LIPA: variants seen among roughly 807,000 people sequenced by gnomAD.
The protein encoded by LIPA is lipase A, lysosomal acid type, also known as lysosomal acid lipase/cholesteryl ester hydrolase.
Under a neutral mutation model 40.6 loss-of-function variants are expected in LIPA, and 26 were observed. The observed-to-expected ratio is 0.64, with a 90% confidence interval of 0.47 to 0.89. The LOEUF is 0.89. LIPA is among the 40% of genes least tolerant of loss of function. LIPA has a pLI of 0.00. For synonymous variants in LIPA, 188 were observed against 168.4 expected (o/e 1.12, Z -0.90); for missense variants, 455 against 479.6 (o/e 0.95, Z 0.48).
chr10:89,363,079 A>T, intron 2 of LIPA: 1 of 226,306 alleles, frequency 4.4e-6, no homozygotes. Flanking sequence ...TATGCAGCCC[A>T]GTTTTATCAA....
At chr10:89,276,695 A>G (rs1346190187) in intron 1 of LIPA, among the ~76,000 whole-genome samples, 1 of 152,224 alleles carries the variant, frequency 6.6e-6, no homozygotes, top group African/African-American at 2.4e-5. Context: ...ATCTAATAAT[A>G]ATAACATATG....
At chr10:89,304,223 A>G (rs1358610655) in intron 1 of LIPA, among the ~76,000 whole-genome samples, 6 of 152,256 alleles carry the variant, frequency 3.9e-5, no homozygotes, top group Admixed American at 3.3e-4. Flanking sequence ...GGTCTTAGCA[A>G]AGAGCCAGGT....
At chr10:89,302,987 G>T (rs1843455068) in intron 1 of LIPA, among the ~76,000 whole-genome samples, 3 of 145,132 alleles carry the variant, frequency 2.1e-5, no homozygotes, top group East Asian at 2.0e-4. Context: ...TTTCCTGCTA[G>T]TCTAAATGTT....
chr10:89,300,551 A>G (rs1187903640), intron 1 of LIPA, among the ~76,000 whole-genome samples: 1 of 152,234 alleles, frequency 6.6e-6, no homozygotes, highest in African/African-American at 2.4e-5. Flanking sequence ...ATTATTATAC[A>G]TCAATAAAAA....
chr10:89,302,964 T>C (rs1454021361), intron 1 of LIPA, among the ~76,000 whole-genome samples: 1 of 151,076 alleles, frequency 6.6e-6, no homozygotes, highest in Non-Finnish European at 1.5e-5. Context: ...TTTCTCTTCT[T>C]GAAACGATAT....
intron 1 of LIPA, among the ~76,000 whole-genome samples, chr10:89,327,590 T>C (rs1336038561): frequency 6.6e-6 from 1 of 152,008 alleles, no homozygotes; most frequent in Non-Finnish European, 1.5e-5. Flanking sequence ...GAGTGTGTTC[T>C]ATTAGTAATT....
At chr10:89,306,433 G>A (rs1843479531) in intron 1 of LIPA, 1 of 1,614,062 alleles carries the variant, frequency 6.2e-7, no homozygotes, top group Non-Finnish European at 8.5e-7. Context: ...GAGCGAAGGT[G>A]TGCTTTGAGA....
chr10:89,399,446 C>A (rs1844390124), intron 2 of LIPA, among the ~76,000 whole-genome samples: 1 of 152,118 alleles, frequency 6.6e-6, no homozygotes, highest in Non-Finnish European at 1.5e-5. Flanking sequence ...GAATCACTGC[C>A]AATTGCCAAA....
chr10:89,274,475 A>G (rs1589585639), intron 1 of LIPA, among the ~76,000 whole-genome samples: 1 of 152,216 alleles, frequency 6.6e-6, no homozygotes, highest in East Asian at 1.9e-4. Flanking sequence ...CAGTTCTGAA[A>G]GGCAGCCCAG....
intron 2 of LIPA, among the ~76,000 whole-genome samples, chr10:89,364,934 CT>C (rs1475257075): frequency 6.6e-6 from 1 of 152,106 alleles, no homozygotes; most frequent in South Asian, 2.1e-4. Flanking sequence ...AAAACTAAAA[CT>C]GTCTGTGCAG....
chr10:89,384,635 G>T (rs1392523634), intron 2 of LIPA: 2 of 1,614,210 alleles, frequency 1.2e-6, no homozygotes, highest in South Asian at 2.2e-5. Context: ...GAAAGTGTCA[G>T]CCTCCTTGGG....
intron 7 of LIPA, 36 bp from the exon 8 acceptor site, chr10:89,222,618 C>T (rs1842714941): frequency 7.8e-7 from 1 of 1,281,668 alleles, no homozygotes; most frequent in Non-Finnish European, 1.1e-6. Context: ...AGAATGAAAA[C>T]AGCATTAAGG....
chr10:89,350,451 G>T (rs532147880), intron 2 of LIPA, among the ~76,000 whole-genome samples: 2 of 151,942 alleles, frequency 1.3e-5, no homozygotes, highest in African/African-American at 2.4e-5. Context: ...GACTACAGGC[G>T]CATGCCACCA....
intron 2 of LIPA, chr10:89,404,762 C>T (rs1001348079): frequency 6.6e-6 from 1 of 152,198 alleles, no homozygotes; most frequent in South Asian, 2.1e-4. Context: ...CGAGAGCAGC[C>T]TTGGCAATGG....
chr10:89,246,464 T>C (rs916737007), intron 2 of LIPA, among the ~76,000 whole-genome samples: 1 of 152,192 alleles, frequency 6.6e-6, no homozygotes, highest in East Asian at 1.9e-4. Context: ...TCATTCTTAT[T>C]TAAAAAATTA....
At chr10:89,401,048 T>C (rs1844413936) in intron 2 of LIPA, among the ~76,000 whole-genome samples, 1 of 152,136 alleles carries the variant, frequency 6.6e-6, no homozygotes, top group Admixed American at 6.5e-5. Flanking sequence ...ATTCTGTTAA[T>C]GTGGTATATT....
intron 1 of LIPA, among the ~76,000 whole-genome samples, chr10:89,271,912 C>T (rs1270514030): frequency 6.6e-6 from 1 of 151,662 alleles, no homozygotes; most frequent in Non-Finnish European, 1.5e-5. Context: ...AAAAAAAAAC[C>T]CACAAAAACT....
At chr10:89,378,017 C>A in intron 2 of LIPA, 2 of 1,045,752 alleles carry the variant, frequency 1.9e-6, no homozygotes, top group Non-Finnish European at 2.9e-6. Context: ...CCTGGATATA[C>A]CTCCCATATA....
chr10:89,366,839 G>T (rs1049455662), intron 2 of LIPA, among the ~76,000 whole-genome samples: 2 of 152,136 alleles, frequency 1.3e-5, no homozygotes, highest in Admixed American at 6.5e-5. Context: ...ATACCCAAAG[G>T]ATTATAAATC....
Sources: allele counts gnomAD v4.1 joint callset (sites outside exome capture counted in the v4.1 genomes callset), GRCh38; gene constraint gnomAD v4.1.1; transcripts MANE v1.5; gene names NCBI Gene and HGNC (gene_info 2026-07-23, HGNC 2026-07-21).